The following EXOC6B variants were observed in gnomAD, a reference collection of about 807,000 sequenced individuals.
The protein encoded by EXOC6B is exocyst complex component 6B, also known as SEC15 homolog B.
Under a neutral mutation model 113.5 loss-of-function variants are expected in EXOC6B, and 54 were observed. The observed-to-expected ratio is 0.48, with a 90% CI of 0.38 to 0.60. EXOC6B has a LOEUF of 0.60. Among genes scored for constraint, EXOC6B ranks in the 20% least tolerant of loss-of-function variants. EXOC6B has a pLI of 0.00. For synonymous variants in EXOC6B, 357 were observed against 339.0 expected (o/e 1.05, Z -0.58); for missense variants, 797 against 977.5 (o/e 0.82, Z 2.46).
At chr2:72,262,389 C>G (rs970737794) in intron 20 of EXOC6B, among the ~76,000 whole-genome samples, 8 of 151,942 alleles carry the variant, frequency 5.3e-5, no homozygotes, top group Non-Finnish European at 1.2e-4. Context: ...CCTGCACCTC[C>G]CAGCTGAAGT....
chr2:72,293,098 A>C (rs1685909624), intron 20 of EXOC6B, among the ~76,000 whole-genome samples: 1 of 152,144 alleles, frequency 6.6e-6, no homozygotes, highest in Non-Finnish European at 1.5e-5. Flanking sequence ...TTAATTTTAT[A>C]AGAAACTGCC....
At chr2:72,542,657 T>C (rs941457000) in intron 8 of EXOC6B, among the ~76,000 whole-genome samples, 52 of 152,346 alleles carry the variant, frequency 3.4e-4, no homozygotes, top group East Asian at 1.9e-4. Flanking sequence ...TTTTGGTATA[T>C]GCTGCTGAAT....
chr2:72,458,531 G>T (rs1357037566), intron 18 of EXOC6B, among the ~76,000 whole-genome samples: 1 of 152,102 alleles, frequency 6.6e-6, no homozygotes, highest in Non-Finnish European at 1.5e-5. Context: ...CAATATTGAG[G>T]ACTTAAGCCT....
intron 8 of EXOC6B, among the ~76,000 whole-genome samples, chr2:72,531,316 A>T: frequency 6.6e-6 from 1 of 152,180 alleles, no homozygotes; most frequent in East Asian, 1.9e-4. Flanking sequence ...CCATTTTACC[A>T]GTTCCAGGGA....
intron 6 of EXOC6B, among the ~76,000 whole-genome samples, chr2:72,632,790 C>T (rs1434292872): frequency 6.6e-6 from 1 of 152,042 alleles, no homozygotes; most frequent in African/African-American, 2.4e-5. Context: ...CAGGCAATCC[C>T]CAAACCTCAG....
At chr2:72,524,144 A>G (rs1028026287) in intron 8 of EXOC6B, among the ~76,000 whole-genome samples, 28 of 146,174 alleles carry the variant, frequency 1.9e-4, no homozygotes, top group African/African-American at 7.2e-4. Flanking sequence ...AGGTTTATAC[A>G]GAGTTTAAAA....
intron 18 of EXOC6B, among the ~76,000 whole-genome samples, chr2:72,453,044 G>C (rs1354024440): frequency 6.6e-6 from 1 of 152,064 alleles, no homozygotes; most frequent in Non-Finnish European, 1.5e-5. Context: ...TTTAGACTTA[G>C]AAATATTAGG....
intron 20 of EXOC6B, among the ~76,000 whole-genome samples, chr2:72,331,689 G>A (rs11890482): frequency 0.21 from 32,323 of 151,950 alleles, 6,551 homozygotes; most frequent in African/African-American, 0.54. Context: ...TCTAATTCAC[G>A]ATATTATTAA....
intron 1 of EXOC6B, among the ~76,000 whole-genome samples, chr2:72,794,094 T>A (rs554773987): frequency 6.6e-6 from 1 of 152,222 alleles, no homozygotes; most frequent in African/African-American, 2.4e-5. Flanking sequence ...TGTTTTTCAG[T>A]ACACTCACAT....
At chr2:72,557,027 A>G (rs1703584234) in intron 8 of EXOC6B, among the ~76,000 whole-genome samples, 1 of 151,994 alleles carries the variant, frequency 6.6e-6, no homozygotes, top group East Asian at 1.9e-4. Context: ...TAGAATAAAA[A>G]TCTAAAAAGA....
intron 2 of EXOC6B, among the ~76,000 whole-genome samples, chr2:72,739,970 T>G (rs1681199384): frequency 1.3e-5 from 2 of 152,136 alleles, no homozygotes; most frequent in Non-Finnish European, 2.9e-5. Flanking sequence ...TATTGTATAT[T>G]ACATAATACC....
chr2:72,453,311 G>C (rs1697018967), intron 18 of EXOC6B, among the ~76,000 whole-genome samples: 1 of 152,042 alleles, frequency 6.6e-6, no homozygotes, highest in Non-Finnish European at 1.5e-5. Flanking sequence ...GTTTCACTTT[G>C]AATTTATAAG....
chr2:72,429,996 C>T (rs1446202102), intron 18 of EXOC6B, among the ~76,000 whole-genome samples: 2 of 152,178 alleles, frequency 1.3e-5, no homozygotes, highest in African/African-American at 4.8e-5. Flanking sequence ...AGGATCCATA[C>T]AGTGGCTCTA....
chr2:72,665,103 G>C (rs1675295622), intron 6 of EXOC6B, among the ~76,000 whole-genome samples: 1 of 152,176 alleles, frequency 6.6e-6, no homozygotes, highest in African/African-American at 2.4e-5. Context: ...GGTCTGGGAA[G>C]AGTGCACCCT....
At chr2:72,698,747 C>T (rs1678075208) in intron 6 of EXOC6B, among the ~76,000 whole-genome samples, 1 of 152,210 alleles carries the variant, frequency 6.6e-6, no homozygotes, top group African/African-American at 2.4e-5. Flanking sequence ...AATCTATTAT[C>T]TAAACTTGGC....
At chr2:72,559,585 G>T in intron 7 of EXOC6B, 64 bp from the exon 8 acceptor site, 1 of 1,308,802 alleles carries the variant, frequency 7.6e-7, no homozygotes, top group Non-Finnish European at 1.1e-6. Flanking sequence ...TACATTAATT[G>T]TTACTACTCA....
At chr2:72,398,727 TACACACAC>T (rs60055732) in intron 18 of EXOC6B, among the ~76,000 whole-genome samples, 10 of 139,004 alleles carry the variant, frequency 7.2e-5, no homozygotes, top group Middle Eastern at 7.5e-3. Context: ...TCTCTCTGTC[TACACACAC>T]ACACACACAC....
chr2:72,413,084 C>G (rs112350586), intron 18 of EXOC6B, among the ~76,000 whole-genome samples: 1 of 151,794 alleles, frequency 6.6e-6, no homozygotes, highest in Non-Finnish European at 1.5e-5. Context: ...TCAGCCTCCT[C>G]AGTAGCTGGG....
intron 18 of EXOC6B, chr2:72,464,857 A>C (rs978366122): frequency 3.7e-5 from 13 of 353,298 alleles, no homozygotes; most frequent in African/African-American, 2.5e-4. Context: ...ATTCTAACTA[A>C]GTTTCTTTTT....
Sources: allele counts gnomAD v4.1 joint callset (sites outside exome capture counted in the v4.1 genomes callset), GRCh38; gene constraint gnomAD v4.1.1; transcripts MANE v1.5; gene names NCBI Gene and HGNC (gene_info 2026-07-23, HGNC 2026-07-21).